Variants in PLCL2 observed in about 807,000 individuals in gnomAD.
PLCL2 encodes inactive phospholipase C-like protein 2.
Under a neutral mutation model 79.6 loss-of-function variants are expected in PLCL2, and 4 were observed. The observed-to-expected ratio is 0.05, with a 90% CI of 0.02 to 0.11. The LOEUF (loss-of-function observed/expected upper bound fraction) is 0.11. Ranked by LOEUF, PLCL2 falls within the 10% of genes least tolerant of loss-of-function variation. PLCL2 has a pLI of 1.00. For synonymous variants in PLCL2, 484 were observed against 457.7 expected, an observed-to-expected ratio of 1.06 and a Z score of -0.73; for missense variants, 895 against 1,291.0, an observed-to-expected ratio of 0.69 and a Z score of 4.70.
chr3:16,923,857 C>T (rs543738680), intron 1 of PLCL2, among the ~76,000 whole-genome samples: 19 of 152,258 alleles, frequency 1.2e-4, no homozygotes, highest in Admixed American at 1.1e-3. Context: ...GACCTATCTT[C>T]AAGTTTGCTG....
Position 16,932,453 on chromosome 3 carries a change from T to C in PLCL2, c.327+47087T>C, listed in dbSNP as rs143317575. ...GTCCTCTTCCATGTCTTAGATAATA[T>C]TGAATTCAGGGTGTACTTTTAAAAA... On this transcript the variant is annotated intron_variant, in intron 1 of 5. Transcript: ENST00000615277. Among the ~76,000 whole-genome samples the C allele has an allele frequency of 7.8e-3, 1,195 of 152,350 alleles. 17 individuals carry two copies. Among genetic ancestry groups the C allele is most frequent in the African/African-American group, 0.027 (1,111 of 41,574 alleles).
At chr3:17,046,465 A>G (rs529177888) in intron 4 of PLCL2, among the ~76,000 whole-genome samples, 4 of 152,352 alleles carry the variant, frequency 2.6e-5, no homozygotes, top group African/African-American at 9.6e-5. Context: ...ACGATCAAGA[A>G]GGAAACCCAA....
chr3:17,054,634 T>A (rs2064875587), intron 4 of PLCL2, among the ~76,000 whole-genome samples: 2 of 152,034 alleles, frequency 1.3e-5, no homozygotes, highest in South Asian at 4.2e-4. Context: ...TCTTGAGAAC[T>A]TACTATATAC....
chr3:17,063,800 A>G (rs1203570621), intron 4 of PLCL2, among the ~76,000 whole-genome samples: 4 of 152,202 alleles, frequency 2.6e-5, no homozygotes, highest in Non-Finnish European at 5.9e-5. Context: ...ACACTGGGTC[A>G]TGCTCCTTTC....
chr3:17,025,941 G>C (rs563943378), intron 3 of PLCL2, among the ~76,000 whole-genome samples: 1 of 152,180 alleles, frequency 6.6e-6, no homozygotes, highest in Non-Finnish European at 1.5e-5. Context: ...AGCAGCGCAC[G>C]TGTCTGGAGG....
At chr3:17,065,192 G>A (rs1370056326) in intron 4 of PLCL2, among the ~76,000 whole-genome samples, 3 of 152,126 alleles carry the variant, frequency 2.0e-5, no homozygotes, top group South Asian at 2.1e-4. Flanking sequence ...AGATAAGGGG[G>A]AGTGGTCTTG....
At chr3:17,055,238 A>G (rs1314238854) in intron 4 of PLCL2, among the ~76,000 whole-genome samples, 1 of 152,176 alleles carries the variant, frequency 6.6e-6, no homozygotes, top group Non-Finnish European at 1.5e-5. Context: ...TAAAGACTGG[A>G]TATTGAACCA....
intron 1 of PLCL2, among the ~76,000 whole-genome samples, chr3:16,946,442 G>T (rs546758811): frequency 1.3e-5 from 2 of 151,368 alleles, no homozygotes; most frequent in Non-Finnish European, 1.5e-5. Flanking sequence ...TTTCTGTTTG[G>T]TTTAACTACT....
chr3:16,946,334 T>C (rs575183883), intron 1 of PLCL2, among the ~76,000 whole-genome samples: 2 of 152,112 alleles, frequency 1.3e-5, no homozygotes, highest in African/African-American at 4.8e-5. Flanking sequence ...CCAGTCTTCG[T>C]TCTCCTTCAG....
chr3:17,005,229 T>A (rs990728556), intron 1 of PLCL2, among the ~76,000 whole-genome samples: 41 of 152,164 alleles, frequency 2.7e-4, no homozygotes, highest in African/African-American at 9.7e-4. Context: ...AGCAGGGCAT[T>A]AACTATCTGT....
rs896077575 is a variant in PLCL2, at chr3:16,887,183, G to T, written c.327+1817G>T. Reference sequence around the variant, plus strand: ...AAATGATTAATGTTCAAAAATCACTGATTTTAGAAATGATATTGATACTTA... The same window carrying T: ...AAATGATTAATGTTCAAAAATCACTTATTTTAGAAATGATATTGATACTTA... On this transcript the variant is annotated intron_variant, in intron 1 of 5. Coordinates refer to ENST00000615277, the MANE Select transcript of PLCL2 (RefSeq NM_001144382.2). This position sits in a 1 kb window ranked among gnomAD's most constrained non-coding sequence, Gnocchi z 4.1. Among the ~76,000 whole-genome samples, 1 of 152,148 alleles carries T rather than the reference G, an allele frequency of 6.6e-6. No homozygotes were observed. Among genetic ancestry groups the T allele is most frequent in the African/African-American group, 2.4e-5 (1 of 41,424 alleles).
At chr3:16,894,885 G>A (rs1696439435) in intron 1 of PLCL2, among the ~76,000 whole-genome samples, 1 of 151,726 alleles carries the variant, frequency 6.6e-6, no homozygotes, top group African/African-American at 2.4e-5. Context: ...TATTCAAGTT[G>A]TTTATATGGT....
At chr3:16,932,427 A>G (rs1048551526) in intron 1 of PLCL2, among the ~76,000 whole-genome samples, 2 of 152,216 alleles carry the variant, frequency 1.3e-5, no homozygotes, top group Non-Finnish European at 2.9e-5. Flanking sequence ...GAGTACCATT[A>G]GTCCTCTTCC....
At chr3:16,969,954 C>T (rs1005850289) in intron 1 of PLCL2, among the ~76,000 whole-genome samples, 15 of 151,314 alleles carry the variant, frequency 9.9e-5, no homozygotes, top group Admixed American at 9.2e-4. Flanking sequence ...GCCTTAATTT[C>T]CTTGTTTACC....
chr3:17,040,899 T>A (rs758033667), intron 3 of PLCL2, among the ~76,000 whole-genome samples: 3 of 152,202 alleles, frequency 2.0e-5, no homozygotes, highest in Non-Finnish European at 4.4e-5. Context: ...ATTTGTTTAA[T>A]GACTGGGTTC....
At chr3:17,081,441 T>TC in intron 5 of PLCL2, 1 of 320,852 alleles carries the variant, frequency 3.1e-6, no homozygotes, top group South Asian at 2.5e-5. Context: ...CAACTGTTTT[T>TC]CTCTAATAGA....
At chr3:16,963,668 G>A (rs1423509559) in intron 1 of PLCL2, among the ~76,000 whole-genome samples, 2 of 151,978 alleles carry the variant, frequency 1.3e-5, no homozygotes, top group South Asian at 2.1e-4. Flanking sequence ...TACTCAAAAG[G>A]CCCTGTGATT....
rs761159061 is a variant in PLCL2, at chr3:17,011,915, C to T, written c.2569C>T (p.Arg857Cys). The T allele has an allele frequency of 3.1e-6, 5 of 1,614,116 alleles. No individual in the cohort carries two copies. Among genetic ancestry groups the T allele is most frequent in the East Asian group, 2.2e-5 (1 of 44,896 alleles). ...IPFECLQTGY[R>C]HVPLQSLTGE... ...CTTTGAATGTTTACAGACGGGCTAC[C>T]GCCATGTCCCCCTGCAGTCCTTAAC... Residue 857 changes from arginine to cysteine, a missense_variant, in exon 2 of 6, where the codon CGC becomes TGC. This residue lies in a region of PLCL2 where 298 missense variants were observed against 459.6 expected (regional missense o/e 0.65). Coordinates refer to ENST00000615277, the MANE Select transcript of PLCL2 (RefSeq NM_001144382.2). The surrounding 1 kb of genome is among the most constrained non-coding windows in gnomAD (Gnocchi z 7.9).
chr3:16,979,490 C>G lies in PLCL2; in HGVS notation c.328-30184C>G, dbSNP rs543888894. 2.2e-5 allele frequency among the ~76,000 whole-genome samples: 2 copies of G among 90,958 alleles called. 1 individual carries two copies. Among genetic ancestry groups the G allele is most frequent in the Non-Finnish European group, 4.3e-5 (2 of 46,470 alleles). 59.7% of individuals were successfully genotyped at this position (90,958 alleles called of 152,430 possible). ...CTAGGCAGAGGACCCTGTGGCCTTC[C>G]GCAGTGTTTGTGTCCCTGATTACTT... On this transcript the variant is annotated intron_variant, in intron 1 of 5. Coordinates refer to ENST00000615277, the MANE Select transcript of PLCL2 (RefSeq NM_001144382.2).
Sources: gnomAD v4.1 joint callset for allele counts (sites outside exome capture counted in the v4.1 genomes callset) on GRCh38, gnomAD v4.1.1 for gene constraint, gnomAD v4.1.1 regional missense constraint, Gnocchi (gnomAD v3.1) non-coding constraint, MANE v1.5 for transcripts, NCBI Gene and HGNC (gene_info 2026-07-23, HGNC 2026-07-21) for gene names.